NRG1: variants seen among roughly 807,000 people sequenced by gnomAD.
The protein encoded by NRG1 is neuregulin 1.
Under a neutral mutation model 63.8 loss-of-function variants are expected in NRG1, and 18 were observed. That is an observed-to-expected ratio of 0.28 (90% confidence interval 0.19 to 0.42). The LOEUF (loss-of-function observed/expected upper bound fraction) is 0.42, where lower values mean the gene tolerates loss of function less well. NRG1 is among the 10% of genes least tolerant of loss of function. The pLI, the probability that NRG1 is intolerant of heterozygous loss-of-function variation, is 1.00. For synonymous variants in NRG1, 302 were observed against 301.3 expected (o/e 1.00, Z -0.02); for missense variants, 762 against 814.7 (o/e 0.94, Z 0.79).
At chr8:32,563,292 T>TAAATCACATAAAGAATAATA (rs1836804353) in intron 1 of NRG1, among the ~76,000 whole-genome samples, 1 of 152,208 alleles carries the variant, frequency 6.6e-6, no homozygotes, top group South Asian at 2.1e-4. Context: ...TGAAGAATAA[T>TAAATCACATAAAGAATAATA]AGTCACATAA....
chr8:32,405,812 T>C (rs997114754), intron 1 of NRG1, among the ~76,000 whole-genome samples: 2 of 79,296 alleles, frequency 2.5e-5, no homozygotes, highest in African/African-American at 8.1e-5. Context: ...TAAGTTAACA[T>C]ATTTTATATG....
At chr8:32,117,363 G>C (rs1016622481) in intron 1 of NRG1, among the ~76,000 whole-genome samples, 3 of 152,064 alleles carry the variant, frequency 2.0e-5, no homozygotes, top group African/African-American at 4.8e-5. Context: ...ACATTTTGTG[G>C]TTTGGTTGTT....
chr8:31,862,949 G>T (rs1729076707), intron 1 of NRG1, among the ~76,000 whole-genome samples: 1 of 152,170 alleles, frequency 6.6e-6, no homozygotes, highest in Non-Finnish European at 1.5e-5. Context: ...TATCTGCACA[G>T]TTCCTCCTTT....
chr8:32,514,516 C>T (rs1829586172), intron 1 of NRG1, among the ~76,000 whole-genome samples: 1 of 151,928 alleles, frequency 6.6e-6, no homozygotes, highest in South Asian at 2.1e-4. Context: ...TTATTATATC[C>T]CCAAATATAG....
intron 5 of NRG1, among the ~76,000 whole-genome samples, chr8:32,692,860 A>G (rs1812170893): frequency 6.6e-6 from 1 of 152,094 alleles, no homozygotes; most frequent in Admixed American, 6.5e-5. Flanking sequence ...CACTCCTTCG[A>G]GATGGCCAAG....
chr8:31,835,597 G>A (rs572638958), intron 1 of NRG1, among the ~76,000 whole-genome samples: 15 of 152,190 alleles, frequency 9.9e-5, no homozygotes, highest in African/African-American at 3.1e-4. Flanking sequence ...TAAAATCACC[G>A]GGCCTAGTTT....
At chr8:32,160,795 T>A (rs986842547) in intron 1 of NRG1, among the ~76,000 whole-genome samples, 2 of 152,254 alleles carry the variant, frequency 1.3e-5, no homozygotes, top group African/African-American at 4.8e-5. Context: ...CCAAGACTTT[T>A]ATCCCCCTGA....
At chr8:32,118,462 T>C (rs1833026083) in intron 1 of NRG1, among the ~76,000 whole-genome samples, 1 of 152,106 alleles carries the variant, frequency 6.6e-6, no homozygotes. Flanking sequence ...CAGATGCAGA[T>C]GCCAGATCAT....
At chr8:31,651,531 G>A (rs1804842307) in intron 1 of NRG1, among the ~76,000 whole-genome samples, 1 of 152,134 alleles carries the variant, frequency 6.6e-6, no homozygotes, top group African/African-American at 2.4e-5. Flanking sequence ...CAGGGGGGTG[G>A]CAGCAGTTCT....
chr8:32,675,640 T>C (rs1189138222), intron 5 of NRG1, among the ~76,000 whole-genome samples: 2 of 152,156 alleles, frequency 1.3e-5, no homozygotes, highest in Admixed American at 1.3e-4. Flanking sequence ...GAGCAACAGC[T>C]ATATTCCAGA....
chr8:32,073,729 G>A (rs1415285116), intron 1 of NRG1, among the ~76,000 whole-genome samples: 1 of 152,160 alleles, frequency 6.6e-6, no homozygotes, highest in Non-Finnish European at 1.5e-5. Flanking sequence ...TTCGTTGAAT[G>A]ATCCAGATGT....
At chr8:31,663,838 AG>A (rs898661286) in intron 1 of NRG1, among the ~76,000 whole-genome samples, 1 of 152,014 alleles carries the variant, frequency 6.6e-6, no homozygotes, top group African/African-American at 2.4e-5. Context: ...GCTGTACATC[AG>A]GGGAGGAGGG....
intron 1 of NRG1, among the ~76,000 whole-genome samples, chr8:31,645,949 A>G (rs1057324117): frequency 1.3e-5 from 2 of 152,158 alleles, no homozygotes; most frequent in African/African-American, 4.8e-5. Context: ...TGGGTAAATG[A>G]TGGGGCCCAG....
intron 1 of NRG1, among the ~76,000 whole-genome samples, chr8:31,823,127 T>G (rs958040400): frequency 1.4e-5 from 2 of 146,112 alleles, no homozygotes; most frequent in African/African-American, 5.0e-5. Context: ...CTTTTTTTTT[T>G]TTTTTTTTTT....
Position 32,765,902 on chromosome 8 carries a change from A to G in NRG1, c.*1500A>G, listed in dbSNP as rs1441872746. 6 of 152,204 alleles carry G rather than the reference A, an allele frequency of 3.9e-5. 1 individual carries two copies. Among genetic ancestry groups the G allele is most frequent in the Non-Finnish European group, 8.8e-5 (6 of 68,036 alleles). 9.4% of individuals were successfully genotyped at this position (152,204 alleles called of 1,614,324 possible). On this transcript the variant is annotated 3_prime_UTR_variant, in exon 12 of 12. Transcript: ENST00000356819. ...AGGCCTATAAGTATTAACATTTGAA[A>G]TAACTGCTAATTCAGGAAAATGGAA...
chr8:31,956,093 C>T (rs1289256819), intron 1 of NRG1, among the ~76,000 whole-genome samples: 1 of 151,362 alleles, frequency 6.6e-6, no homozygotes, highest in Non-Finnish European at 1.5e-5. Context: ...TTGGAAAAGT[C>T]TATAGCTTCA....
chr8:32,269,012 A>G (rs938777495), intron 1 of NRG1, among the ~76,000 whole-genome samples: 2 of 152,128 alleles, frequency 1.3e-5, no homozygotes, highest in Non-Finnish European at 2.9e-5. Flanking sequence ...TTTACTTCAG[A>G]AACTTTAAGA....
intron 1 of NRG1, among the ~76,000 whole-genome samples, chr8:32,031,117 G>A (rs1488111122): frequency 6.6e-6 from 1 of 152,052 alleles, no homozygotes; most frequent in African/African-American, 2.4e-5. Context: ...GTGGTGCCGT[G>A]GTCTGTTTGG....
At position 31,881,822 on chromosome 8, in the gene NRG1, G is replaced by T. The variant is rs1830369675; in HGVS notation, c.37+242391G>T. Among the ~76,000 whole-genome samples the T allele has an allele frequency of 2.0e-5, 3 of 152,164 alleles. No individual in the cohort carries two copies. In the South Asian group the frequency reaches 6.2e-4, roughly 32 times the overall value. On this transcript the variant is annotated intron_variant, in intron 1 of 10. Transcript: ENST00000519301. ...GCTAACTCTCTTCAATTCTATGAAA[G>T]CTTAGAGGTGAGGAAGCTGCAGAAG...
Sources: allele counts gnomAD v4.1 joint callset (sites outside exome capture counted in the v4.1 genomes callset), GRCh38; gene constraint gnomAD v4.1.1; transcripts MANE v1.5; gene names NCBI Gene and HGNC (gene_info 2026-07-23, HGNC 2026-07-21).